The following MAD1L1 variants were observed in gnomAD, a reference collection of about 807,000 sequenced individuals.
The protein encoded by MAD1L1 is mitotic arrest deficient 1 like 1.
Under a neutral mutation model 96.9 loss-of-function variants are expected in MAD1L1, and 95 were observed. The ratio of observed to expected loss-of-function variants is 0.98; its 90% confidence interval spans 0.83 to 1.16. MAD1L1 has a LOEUF of 1.16. Among genes scored for constraint, MAD1L1 ranks in the 50% most tolerant of loss-of-function variants. MAD1L1 has a pLI of 0.00. For missense variants in MAD1L1, 1,007 were observed against 954.4 expected (o/e 1.06, Z -0.73); for synonymous variants, 473 against 396.6 (o/e 1.19, Z -2.29).
At position 2,119,932 on chromosome 7, in the gene MAD1L1, C is replaced by T. The variant is rs1787894292; in HGVS notation, c.1073+29220G>A. On this transcript the variant is annotated intron_variant, in intron 11 of 18. Coordinates refer to ENST00000265854, the MANE Select transcript of MAD1L1 (RefSeq NM_001013836.2). This position sits in a 1 kb window ranked among gnomAD's most constrained non-coding sequence, Gnocchi z 4.6. The stretch of plus-strand genomic sequence containing the variant: ...CTTATTCCCTGAAAGCCGCCCTCAG[C>T]ATCCTCCTCACTCCACCTCCTCCCA... 6.6e-6 allele frequency among the ~76,000 whole-genome samples: 1 copy of T among 152,174 alleles called. No homozygotes were observed.
chr7:1,913,935 G>A (rs12536261), intron 17 of MAD1L1, among the ~76,000 whole-genome samples: 46,001 of 152,032 alleles, frequency 0.3, 8,307 homozygotes, highest in East Asian at 0.46. Flanking sequence ...GGGTGGCCAC[G>A]CTGGAGGGAA....
At chr7:2,022,774 G>T (rs1349404062) in intron 12 of MAD1L1, among the ~76,000 whole-genome samples, 1 of 152,036 alleles carries the variant, frequency 6.6e-6, no homozygotes, top group Non-Finnish European at 1.5e-5. Context: ...GGTCAGGATG[G>T]ATTAAAAAAA....
At chr7:2,229,584 C>T (rs1020811536) in intron 3 of MAD1L1, among the ~76,000 whole-genome samples, 3 of 152,274 alleles carry the variant, frequency 2.0e-5, no homozygotes, top group Admixed American at 6.5e-5. Context: ...CTGGGCTGCC[C>T]AGGCACTCTC....
intron 2 of MAD1L1, 120 bp from the exon 3 acceptor site, chr7:2,230,263 C>A: frequency 1.5e-6 from 1 of 677,452 alleles, no homozygotes; most frequent in Non-Finnish European, 2.5e-6. Flanking sequence ...TCATAATACA[C>A]CCATGCCTGT....
intron 12 of MAD1L1, among the ~76,000 whole-genome samples, chr7:2,067,207 G>A (rs1218815999): frequency 7.6e-6 from 1 of 131,724 alleles, no homozygotes; most frequent in Non-Finnish European, 1.5e-5. Flanking sequence ...AGGCACCCGG[G>A]GTCATCAGGC....
chr7:1,963,667 C>T (rs973531795), intron 15 of MAD1L1, among the ~76,000 whole-genome samples: 13 of 152,216 alleles, frequency 8.5e-5, no homozygotes, highest in African/African-American at 3.1e-4. Context: ...GGACATGCTT[C>T]CGGAGGCGAG....
chr7:2,080,123 TG>T, intron 11 of MAD1L1: 1 of 193,062 alleles, frequency 5.2e-6, no homozygotes, highest in Non-Finnish European at 1.1e-5. Flanking sequence ...GCCTCGAGGC[TG>T]GGGGCTTTCT....
intron 3 of MAD1L1, among the ~76,000 whole-genome samples, chr7:2,227,057 G>C (rs939162059): frequency 6.6e-6 from 1 of 151,640 alleles, no homozygotes; most frequent in Non-Finnish European, 1.5e-5. Flanking sequence ...AGTTCGGGGG[G>C]CCAAGGTGGG....
At chr7:2,154,910 C>T (rs936719588) in intron 10 of MAD1L1, among the ~76,000 whole-genome samples, 2 of 152,144 alleles carry the variant, frequency 1.3e-5, no homozygotes, top group African/African-American at 4.8e-5. Flanking sequence ...TTAACAGCAG[C>T]CTGTGGAGAA....
At chr7:1,840,247 G>A (rs1349100568) in intron 18 of MAD1L1, among the ~76,000 whole-genome samples, 1 of 152,208 alleles carries the variant, frequency 6.6e-6, no homozygotes, top group Non-Finnish European at 1.5e-5. Context: ...GAGATCCTGA[G>A]GCCAGAAACA....
chr7:2,080,684 C>T (rs371675046), intron 11 of MAD1L1, among the ~76,000 whole-genome samples: 3 of 152,188 alleles, frequency 2.0e-5, no homozygotes. Context: ...ACTCCCGGGT[C>T]GCAGAGCAGC....
In MAD1L1 at chr7:2,044,827, G is replaced by A. The variant is rs552953938; in HGVS notation, c.1218+24367C>T. Among the ~76,000 whole-genome samples, 5 of 152,246 alleles carry A rather than the reference G, an allele frequency of 3.3e-5. No homozygotes were observed. In the East Asian group the frequency reaches 9.6e-4, roughly 29 times the overall value. On this transcript the variant is annotated intron_variant, in intron 12 of 18. Coordinates refer to ENST00000265854, the MANE Select transcript of MAD1L1 (RefSeq NM_001013836.2). ...CCATCAGTATGGCGTAGTCCCCCGG[G>A]GCGTGGACACCCTCTCAGCTCCTGT...
chr7:1,886,264 T>C (rs1786019441), intron 18 of MAD1L1, among the ~76,000 whole-genome samples: 1 of 152,198 alleles, frequency 6.6e-6, no homozygotes. Flanking sequence ...TGAGTCCTGA[T>C]CTGTGCAAGA....
intron 18 of MAD1L1, among the ~76,000 whole-genome samples, chr7:1,841,063 C>G (rs10950399): frequency 6.6e-6 from 1 of 151,630 alleles, no homozygotes; most frequent in Non-Finnish European, 1.5e-5. Context: ...TGACCAAGGC[C>G]GCTCCCGGGC....
chr7:1,844,088 A>C (rs1783443876), intron 18 of MAD1L1: 1 of 154,496 alleles, frequency 6.5e-6, no homozygotes, highest in Non-Finnish European at 1.5e-5. Flanking sequence ...GCAACTAAAA[A>C]TCCCCACAAC....
intron 10 of MAD1L1, among the ~76,000 whole-genome samples, chr7:2,174,225 T>C (rs1407064838): frequency 6.6e-6 from 1 of 152,204 alleles, no homozygotes; most frequent in South Asian, 2.1e-4. Context: ...AGGCTGAAAA[T>C]TATTTTCCTG....
intron 10 of MAD1L1, among the ~76,000 whole-genome samples, chr7:2,199,379 G>A (rs1009968176): frequency 4.6e-5 from 7 of 152,170 alleles, no homozygotes; most frequent in African/African-American, 1.7e-4. Context: ...CATACCTCAC[G>A]TGTCACAGCC....
At chr7:2,225,017 C>T (rs1210989295) in intron 4 of MAD1L1, among the ~76,000 whole-genome samples, 1 of 152,206 alleles carries the variant, frequency 6.6e-6, no homozygotes, top group African/African-American at 2.4e-5. Context: ...CCAGGAGACC[C>T]AGCAAAAGAA....
intron 12 of MAD1L1, among the ~76,000 whole-genome samples, chr7:2,015,229 C>T (rs1488010683): frequency 6.6e-6 from 1 of 152,224 alleles, no homozygotes; most frequent in Non-Finnish European, 1.5e-5. Flanking sequence ...GCTCGTCCAA[C>T]CGCCCAGGGC....
Sources: allele counts gnomAD v4.1 joint callset (sites outside exome capture counted in the v4.1 genomes callset), GRCh38; gene constraint gnomAD v4.1.1; non-coding constraint Gnocchi (gnomAD v3.1); transcripts MANE v1.5; gene names NCBI Gene and HGNC (gene_info 2026-07-23, HGNC 2026-07-21).